Variants in MCTP1 observed in about 807,000 individuals in gnomAD.
MCTP1 encodes the protein multiple C2 and transmembrane domain containing 1.
MCTP1 carries 69 observed loss-of-function variants against 120.6 expected under a neutral mutation model. That is an observed-to-expected ratio of 0.57 (90% CI 0.47 to 0.70). The LOEUF is 0.70. MCTP1 is among the 30% of genes least tolerant of loss of function. MCTP1 has a pLI of 0.00. For missense variants in MCTP1, 1,203 were observed against 1,248.8 expected, an observed-to-expected ratio of 0.96 and a Z score of 0.55; for synonymous variants, 529 against 493.1, an observed-to-expected ratio of 1.07 and a Z score of -0.96.
At chr5:95,138,239 C>CCCCA (rs1554213196) in intron 1 of MCTP1, among the ~76,000 whole-genome samples, 2 of 150,640 alleles carry the variant, frequency 1.3e-5, no homozygotes, top group Non-Finnish European at 3.0e-5. Flanking sequence ...TGCAACCCCC[C>CCCCA]CCCGACATTA....
chr5:94,900,557 T>G (rs1424982760), intron 10 of MCTP1, among the ~76,000 whole-genome samples: 2 of 152,210 alleles, frequency 1.3e-5, no homozygotes, highest in Non-Finnish European at 2.9e-5. Flanking sequence ...TAATTAATTC[T>G]TTCATTAACT....
At chr5:94,803,986 T>C (rs1453072684) in intron 17 of MCTP1, among the ~76,000 whole-genome samples, 1 of 152,078 alleles carries the variant, frequency 6.6e-6, no homozygotes, top group Non-Finnish European at 1.5e-5. Flanking sequence ...ATCACCCCAG[T>C]TGAAAGCCAG....
At chr5:95,118,670 AG>A (rs1757994857) in intron 1 of MCTP1, among the ~76,000 whole-genome samples, 1 of 152,218 alleles carries the variant, frequency 6.6e-6, no homozygotes, top group South Asian at 2.1e-4. Context: ...ACAGACTGAA[AG>A]TAAAGGGGTG....
chr5:94,988,597 G>A (rs73774856), intron 2 of MCTP1, among the ~76,000 whole-genome samples: 2 of 117,480 alleles, frequency 1.7e-5, no homozygotes, highest in Non-Finnish European at 3.6e-5. Flanking sequence ...CCCTGTGTGT[G>A]TTTTTTTTTT....
intron 2 of MCTP1, among the ~76,000 whole-genome samples, chr5:95,004,582 C>T (rs895827903): frequency 1.1e-4 from 17 of 152,314 alleles, no homozygotes; most frequent in East Asian, 9.6e-4. Flanking sequence ...TGGCACCCTG[C>T]GTCCTAGCTG....
intron 1 of MCTP1, among the ~76,000 whole-genome samples, chr5:95,072,940 T>G (rs1005267629): frequency 3.9e-5 from 6 of 151,964 alleles, no homozygotes; most frequent in Non-Finnish European, 8.8e-5. Context: ...AGAGATGAGG[T>G]TTCACCGTGT....
At chr5:95,166,917 CTTTT>C (rs386404479) in intron 1 of MCTP1, among the ~76,000 whole-genome samples, 3 of 137,864 alleles carry the variant, frequency 2.2e-5, no homozygotes, top group Non-Finnish European at 4.7e-5. Context: ...CCTTTCTATT[CTTTT>C]TTTTTTTTTT....
chr5:94,931,751 G>C, intron 6 of MCTP1: 1 of 572,770 alleles, frequency 1.7e-6, no homozygotes, highest in South Asian at 2.2e-5. Flanking sequence ...CCAGAGAATA[G>C]TGAAAGGATG....
At chr5:94,868,508 T>C in intron 16 of MCTP1, 56 bp from the exon 17 acceptor site, 1 of 1,347,520 alleles carries the variant, frequency 7.4e-7, no homozygotes, top group Non-Finnish European at 9.9e-7. Flanking sequence ...CCATCAGATA[T>C]ACTGCAAAAT....
intron 2 of MCTP1, among the ~76,000 whole-genome samples, chr5:94,985,343 G>A (rs1735090060): frequency 6.6e-6 from 1 of 152,144 alleles, no homozygotes; most frequent in African/African-American, 2.4e-5. Flanking sequence ...ATGATTTGAA[G>A]CCCCAGTCAT....
intron 17 of MCTP1, among the ~76,000 whole-genome samples, chr5:94,835,929 G>A (rs183791513): frequency 1.0e-3 from 157 of 152,176 alleles, no homozygotes; most frequent in Middle Eastern, 6.8e-3. Flanking sequence ...GTGTGAACCC[G>A]GGAGGCAGAG....
At chr5:95,244,370 C>T (rs1562272145) in intron 1 of MCTP1, among the ~76,000 whole-genome samples, 2 of 152,162 alleles carry the variant, frequency 1.3e-5, no homozygotes, top group African/African-American at 2.4e-5. Flanking sequence ...CAAAGCAGGG[C>T]GGGGCATCAC....
chr5:94,713,874 G>A (rs759452196), intron 20 of MCTP1, among the ~76,000 whole-genome samples: 6 of 152,124 alleles, frequency 3.9e-5, no homozygotes, highest in African/African-American at 7.2e-5. Flanking sequence ...CAAATTCTAT[G>A]TATGCCCAAG....
At position 95,196,585 on chromosome 5, in the gene MCTP1, G is replaced by A. The variant is rs551697069; in HGVS notation, c.720+87271C>T. Among the ~76,000 whole-genome samples the A allele has an allele frequency of 2.6e-5, 4 of 152,290 alleles. No individual in the cohort carries two copies. In the East Asian group the frequency reaches 7.7e-4, roughly 29 times the overall value. On this transcript the variant is annotated intron_variant, in intron 1 of 22. Transcript: ENST00000515393. ...GTAAAGAGAGAGAGGAGAAAGAGTCGATATAATCCATAACAGTACGAAGAA... is the reference window on the plus strand; with the variant it reads ...GTAAAGAGAGAGAGGAGAAAGAGTCAATATAATCCATAACAGTACGAAGAA...
chr5:95,215,262 A>G (rs1197180978), intron 1 of MCTP1, among the ~76,000 whole-genome samples: 1 of 152,172 alleles, frequency 6.6e-6, no homozygotes, highest in African/African-American at 2.4e-5. Context: ...CAATTAACTG[A>G]TTTCTTATTC....
chr5:95,103,917 G>A (rs1018944279), intron 1 of MCTP1, among the ~76,000 whole-genome samples: 2 of 152,094 alleles, frequency 1.3e-5, no homozygotes, highest in Non-Finnish European at 2.9e-5. Flanking sequence ...AAGGTTAAAC[G>A]TGTAAGATTT....
chr5:95,232,146 T>A (rs1582608877), intron 1 of MCTP1, among the ~76,000 whole-genome samples: 9 of 77,140 alleles, frequency 1.2e-4, no homozygotes, highest in Admixed American at 1.5e-4. Flanking sequence ...TAAGAATAAC[T>A]AAAGTGATCA....
In MCTP1 at chr5:94,998,887, A is replaced by G. The variant is rs1205639826; in HGVS notation, c.838+18480T>C. 2.0e-5 allele frequency among the ~76,000 whole-genome samples: 3 copies of G among 152,186 alleles called. No individual in the cohort carries two copies. In the East Asian group the frequency reaches 5.8e-4, roughly 29 times the overall value. On this transcript the variant is annotated intron_variant, in intron 2 of 22. Transcript: ENST00000515393. ...TTGCCCAAACCTGATGAATACGCAC[A>G]TAAGATGGGAAGGCTTAAATGCCAC...
intron 1 of MCTP1, among the ~76,000 whole-genome samples, chr5:95,033,921 CA>C (rs1840763654): frequency 6.6e-6 from 1 of 151,918 alleles, no homozygotes; most frequent in African/African-American, 2.4e-5. Context: ...TTCTATACAC[CA>C]ATAATGTTCA....
Sources: gnomAD v4.1 joint callset for allele counts (sites outside exome capture counted in the v4.1 genomes callset) on GRCh38, gnomAD v4.1.1 for gene constraint, MANE v1.5 for transcripts, NCBI Gene and HGNC (gene_info 2026-07-23, HGNC 2026-07-21) for gene names.